The following FCRL4 variants were observed in gnomAD, a reference collection of about 807,000 sequenced individuals.
The protein encoded by FCRL4 is Fc receptor like 4.
A neutral mutation model predicts 64.1 loss-of-function variants in FCRL4; 43 were observed. That is an observed-to-expected ratio of 0.67 (90% confidence interval 0.53 to 0.87). The LOEUF is 0.87. Among genes scored for constraint, FCRL4 ranks in the 40% least tolerant of loss-of-function variants. FCRL4 has a pLI of 0.00. For synonymous variants in FCRL4, 253 were observed against 239.8 expected (o/e 1.05, Z -0.51); for missense variants, 656 against 613.5 (o/e 1.07, Z -0.73).
intron 8 of FCRL4, 135 bp downstream of exon 8, chr1:157,580,186 T>C (rs1362278936): frequency 1.1e-6 from 1 of 940,910 alleles, no homozygotes; most frequent in East Asian, 2.4e-5. Context: ...TTTTGACAAA[T>C]TCATGGAGTG....
Position 157,575,012 on chromosome 1 carries a change from G to A in FCRL4, c.*512C>T, listed in dbSNP as rs748060849. ...CAACTGAATCCTGACAGTGTAAGCT[G>A]TGCAGGCAGAAGTGAAGGGGCTTTT... On this transcript the variant is annotated 3_prime_UTR_variant, in exon 12 of 12. Transcript: ENST00000271532. The A allele has an allele frequency of 6.0e-5, 14 of 232,638 alleles. No homozygotes were observed. The highest frequency in any genetic ancestry group is 1.2e-4 in the Non-Finnish European group (14 of 117,356). The allele number at this position is 232,638 out of a possible 1,614,324, so 14.4% of individuals were successfully genotyped here.
intron 3 of FCRL4, among the ~76,000 whole-genome samples, chr1:157,588,362 G>C (rs1370761932): frequency 6.6e-6 from 1 of 152,150 alleles, no homozygotes; most frequent in Non-Finnish European, 1.5e-5. Context: ...CTAATACGGA[G>C]AATAAAAGCT....
At position 157,597,927 on chromosome 1, in the gene FCRL4, G is replaced by C. The variant is rs1324347369; in HGVS notation, c.18C>G (p.Ser6=). Reference sequence around the variant, plus strand: ...CCCATCACTTACCAAAGGCCAGCAAGGACGCCCACAGCAGCATGGAAGCCT... The same window carrying C: ...CCCATCACTTACCAAAGGCCAGCAACGACGCCCACAGCAGCATGGAAGCCT... The part of the protein sequence containing the change: MLLWA[S]LLAFAPVCGQ... Residue 6 remains serine, a synonymous_variant, in exon 1 of 12, where the codon TCC becomes TCG. Transcript: ENST00000271532. 9 of 1,613,284 alleles carry C rather than the reference G, an allele frequency of 5.6e-6. No homozygotes were observed. In the Admixed American group the frequency reaches 1.2e-4, roughly 21 times the overall value.
chr1:157,576,675 T>A (rs571645410), intron 10 of FCRL4, among the ~76,000 whole-genome samples: 1 of 152,232 alleles, frequency 6.6e-6, no homozygotes. Flanking sequence ...TAAGATAAGA[T>A]GTACTCAATC....
intron 8 of FCRL4, 137 bp from the exon 9 acceptor site, chr1:157,578,989 G>C (rs980204918): frequency 4.5e-6 from 3 of 666,832 alleles, no homozygotes; most frequent in Non-Finnish European, 7.7e-6. Flanking sequence ...AAGCCTGAAT[G>C]GTTTAATCAG....
intron 8 of FCRL4, among the ~76,000 whole-genome samples, chr1:157,579,664 C>T (rs1339868047): frequency 6.6e-6 from 1 of 152,038 alleles, no homozygotes; most frequent in African/African-American, 2.4e-5. Flanking sequence ...TTGCCATGAG[C>T]TAAGATCGTG....
intron 2 of FCRL4, among the ~76,000 whole-genome samples, chr1:157,595,198 C>A (rs1247137403): frequency 6.6e-6 from 1 of 152,232 alleles, no homozygotes; most frequent in Admixed American, 6.5e-5. Context: ...CTGTGCCCAG[C>A]CTCTGCAGAC....
chr1:157,593,020 G>A (rs1162137898), intron 2 of FCRL4, among the ~76,000 whole-genome samples: 1 of 152,148 alleles, frequency 6.6e-6, no homozygotes, highest in Non-Finnish European at 1.5e-5. Context: ...CTCACTTGTA[G>A]GTGGGAATTG....
At chr1:157,591,031 A>G (rs1331440210) in intron 2 of FCRL4, among the ~76,000 whole-genome samples, 1 of 152,212 alleles carries the variant, frequency 6.6e-6, no homozygotes, top group Non-Finnish European at 1.5e-5. Flanking sequence ...ATACTTACAC[A>G]GCCATTTTTA....
rs748084204 is a variant in FCRL4 at position 157,578,691 on chromosome 1, G to A, written c.1360+79C>T. 5.8e-5 allele frequency: 85 copies of A among 1,476,242 alleles called. No homozygotes were observed. In the Middle Eastern group the frequency reaches 8.7e-4, roughly 15 times the overall value. The allele number at this position is 1,476,242 out of a possible 1,614,324, so 91.4% of individuals were successfully genotyped here. The stretch of plus-strand genomic sequence containing the variant: ...GATTTGGGACACTTTAGGGAGTCCA[G>A]GGGCATTTCCCAGGGCTGAAAGCGC... On this transcript the variant is annotated intron_variant, in intron 9 of 11. Transcript: ENST00000271532.
intron 1 of FCRL4, 116 bp from the exon 2 acceptor site, chr1:157,596,464 A>C: frequency 8.8e-7 from 1 of 1,133,388 alleles, no homozygotes; most frequent in Non-Finnish European, 1.3e-6. Flanking sequence ...AACACGTTCC[A>C]TTCCATCCAT....
chr1:157,586,038 G>T, intron 6 of FCRL4, 130 bp downstream of exon 6: 2 of 893,398 alleles, frequency 2.2e-6, no homozygotes, highest in South Asian at 3.5e-5. Flanking sequence ...GGAAGAAATT[G>T]TTTATCACAG....
At chr1:157,590,464 T>A (rs1652813319) in intron 2 of FCRL4, among the ~76,000 whole-genome samples, 1 of 152,034 alleles carries the variant, frequency 6.6e-6, no homozygotes. Context: ...TTTTTCTTTG[T>A]AAATTCCCCT....
chr1:157,581,710 A>T (rs928402426), intron 6 of FCRL4, 66 bp from the exon 7 acceptor site: 55 of 1,305,392 alleles, frequency 4.2e-5, no homozygotes, highest in Non-Finnish European at 5.8e-5. Flanking sequence ...CCTTTTCCTC[A>T]GCTTGGTTGG....
chr1:157,589,282 C>T lies in FCRL4; in HGVS notation c.229G>A (p.Val77Ile), dbSNP rs769816958. 4.3e-6 allele frequency: 7 copies of T among 1,614,204 alleles called. No individual in the cohort carries two copies. The highest frequency in any genetic ancestry group is 1.1e-5 in the South Asian group (1 of 91,084). The change falls in exon 3 of 12, where the codon GTT (valine) becomes ATT (isoleucine). Residue 77 changes from valine (V) to isoleucine (I), a missense_variant. Physicochemically the swap from Val to Ile is conservative, Grantham distance 29. Coordinates refer to ENST00000271532, the MANE Select transcript of FCRL4 (RefSeq NM_031282.3). ...CATCTGTACAGTCCAGATTCCCGAA[C>T]CTCGAGGGTGTTTCCTGGGGTCAGG... ...LTLTPGNTLEVRESGLYRCQA... is the reference protein window; with the variant it reads ...LTLTPGNTLEIRESGLYRCQA...
chr1:157,585,383 TTTCTTTCTTTCC>T (rs1169852894), intron 6 of FCRL4, among the ~76,000 whole-genome samples: 8,690 of 103,108 alleles, frequency 0.084, 449 homozygotes, highest in Middle Eastern at 0.16. Context: ...TCTTTCTTTC[TTTCTTTCTTTCC>T]TTCTTTCTTT....
At position 157,578,761 on chromosome 1, in the gene FCRL4, A is replaced by G. The variant is rs1338533800; in HGVS notation, c.1360+9T>C. 6.2e-7 allele frequency: 1 copy of G among 1,613,286 alleles called. No homozygotes were observed. The highest frequency in any genetic ancestry group is 8.5e-7 in the Non-Finnish European group (1 of 1,179,308). On this transcript the variant is annotated intron_variant, in intron 9 of 11. Coordinates refer to ENST00000271532, the MANE Select transcript of FCRL4 (RefSeq NM_031282.3). ...GGCCAGGAACAGCTTCCTAGAAGGG[A>G]ATCCTCACCATCAACATACAACGAC...
intron 10 of FCRL4, among the ~76,000 whole-genome samples, chr1:157,577,982 C>T (rs905373540): frequency 1.3e-5 from 2 of 152,152 alleles, no homozygotes; most frequent in Non-Finnish European, 2.9e-5. Flanking sequence ...GGATCCAACT[C>T]ATTCCAAATA....
rs1351356060 is a variant in FCRL4 at position 157,573,756 on chromosome 1, A to G, written c.*1768T>C. The G allele has an allele frequency of 5.6e-6, 1 of 180,154 alleles. No homozygotes were observed. Among genetic ancestry groups the G allele is most frequent in the Non-Finnish European group, 1.2e-5 (1 of 84,164 alleles). 11.2% of individuals were successfully genotyped at this position (180,154 alleles called of 1,614,324 possible). On this transcript the variant is annotated 3_prime_UTR_variant, in exon 12 of 12. Transcript: ENST00000271532. ...TTTCATGTACGCCGAATTTACGTTA[A>G]TAAGCTTTAATCTAATACTTCAGTA... is the stretch of plus-strand genomic sequence containing the variant.
Sources: gnomAD v4.1 joint callset for allele counts (sites outside exome capture counted in the v4.1 genomes callset) on GRCh38, gnomAD v4.1.1 for gene constraint, MANE v1.5 for transcripts, NCBI Gene and HGNC (gene_info 2026-07-23, HGNC 2026-07-21) for gene names.